Variants in PPP6R1 observed in about 807,000 individuals in gnomAD.
The protein encoded by PPP6R1 is serine/threonine-protein phosphatase 6 regulatory subunit 1.
PPP6R1 carries 39 observed loss-of-function variants against 104.6 expected under a neutral mutation model. That is an observed-to-expected ratio of 0.37 (90% CI 0.29 to 0.49). The LOEUF is 0.49. Among genes scored for constraint, PPP6R1 ranks in the 20% least tolerant of loss-of-function variants. The probability of loss-of-function intolerance (pLI) is 0.98; values close to 1 mark genes in which losing one functional copy is unlikely to be tolerated. For missense variants in PPP6R1, 1,181 were observed against 1,155.8 expected, an observed-to-expected ratio of 1.02 and a Z score of -0.32; for synonymous variants, 549 against 479.0, an observed-to-expected ratio of 1.15 and a Z score of -1.91.
At chr19:55,254,894 G>A (rs1263304159) in intron 1 of PPP6R1, among the ~76,000 whole-genome samples, 2 of 152,248 alleles carry the variant, frequency 1.3e-5, no homozygotes, top group Non-Finnish European at 2.9e-5. Context: ...TGCAGTGACA[G>A]TAATGGCAAC....
chr19:55,245,063 A>G lies in PPP6R1; in HGVS notation c.618+57T>C. The G allele has an allele frequency of 6.3e-7, 1 of 1,589,866 alleles. No homozygotes were observed. Among genetic ancestry groups the G allele is most frequent in the Non-Finnish European group, 8.6e-7 (1 of 1,166,004 alleles). On this transcript the variant is annotated intron_variant, in intron 5 of 23. Transcript: ENST00000412770. This position sits in a 1 kb window ranked among gnomAD's most constrained non-coding sequence, Gnocchi z 6.4. ...CCAATTCCTCTTTTAAAAGTGGGGA[A>G]GTGGGCATGGGGAAGGAACTCTAAG...
chr19:55,240,559 G>A (rs550339826), intron 10 of PPP6R1, among the ~76,000 whole-genome samples: 93 of 129,468 alleles, frequency 7.2e-4, no homozygotes, highest in Admixed American at 2.4e-3. Context: ...ACACACACAT[G>A]CATGCACTAA....
chr19:55,236,601 T>C (rs2122565868), intron 17 of PPP6R1, 42 bp downstream of exon 17: 1 of 1,477,428 alleles, frequency 6.8e-7, no homozygotes, highest in Non-Finnish European at 8.9e-7. Flanking sequence ...GGCCCTGCCG[T>C]GTGGTGGAAG....
intron 17 of PPP6R1, among the ~76,000 whole-genome samples, chr19:55,235,595 T>C (rs570074223): frequency 6.9e-4 from 105 of 151,582 alleles, no homozygotes; most frequent in Non-Finnish European, 8.5e-4. Flanking sequence ...CTTGGCTCAC[T>C]GCAAGCTCCG....
In PPP6R1 at chr19:55,231,882, T is replaced by C. The variant is rs748582766; in HGVS notation, c.2226A>G (p.Pro742=). Residue 742 remains proline, a synonymous_variant, in exon 19 of 24, where the codon CCA becomes CCG. Coordinates refer to ENST00000412770, the MANE Select transcript of PPP6R1 (RefSeq NM_014931.4). ...CCTGGGGCACACTGAGGGGCCCCTG[T>C]GGGGCTGGAGGCCCAGTGTGCAGCT... The part of the protein sequence containing the change: ...EEELHTGPPA[P]QGPLSVPQGL... 3.3e-6 allele frequency: 5 copies of C among 1,508,156 alleles called. No individual in the cohort carries two copies. The East Asian group carries it at 9.4e-5, about 28-fold the overall frequency. 93.4% of individuals were successfully genotyped at this position (1,508,156 alleles called of 1,614,324 possible). A position where few individuals can be genotyped will look rare whatever the true frequency, so the allele number is the denominator to read the frequency against.
chr19:55,240,841 C>A, intron 10 of PPP6R1, 104 bp downstream of exon 10: 2 of 1,460,592 alleles, frequency 1.4e-6, no homozygotes, highest in Non-Finnish European at 1.8e-6. Flanking sequence ...TAACACTACC[C>A]AACAAACACT....
intron 1 of PPP6R1, among the ~76,000 whole-genome samples, chr19:55,252,468 G>A (rs1023051703): frequency 2.7e-5 from 4 of 150,356 alleles, no homozygotes; most frequent in Non-Finnish European, 5.9e-5. Context: ...GCGCGATCTC[G>A]GCTCACTGCA....
chr19:55,231,677 C>A lies in PPP6R1; in HGVS notation c.2307-9G>T. ...GTGTGGGGTCCTGAGACCTGGTAGG[C>A]GAGAGAGGCAGCCCAAGGGGGCAGC... On this transcript the variant is annotated splice_polypyrimidine_tract_variant and intron_variant, in intron 19 of 23. Coordinates refer to ENST00000412770, the MANE Select transcript of PPP6R1 (RefSeq NM_014931.4). 1 of 1,593,272 alleles carries A rather than the reference C, an allele frequency of 6.3e-7. No homozygotes were observed. Among genetic ancestry groups the A allele is most frequent in the Non-Finnish European group, 8.6e-7 (1 of 1,169,566 alleles).
In PPP6R1 at chr19:55,245,742, C is replaced by T. The variant is rs1055258584; in HGVS notation, c.228-64G>A. ...AGGCCGGGGGCAGGGGGCGGCAAGG[C>T]TCCACCCTCTTCTCTGCACCGGGCA... On this transcript the variant is annotated intron_variant, in intron 2 of 23. Transcript: ENST00000412770. This position sits in a 1 kb window ranked among gnomAD's most constrained non-coding sequence, Gnocchi z 6.4. 6.5e-5 allele frequency: 86 copies of T among 1,329,230 alleles called. 1 individual carries two copies. In the African/African-American group the frequency reaches 1.0e-3, roughly 16 times the overall value. 82.3% of individuals were successfully genotyped at this position (1,329,230 alleles called of 1,614,324 possible).
At chr19:55,244,355 A>G (rs1212662660) in intron 5 of PPP6R1, among the ~76,000 whole-genome samples, 1 of 152,242 alleles carries the variant, frequency 6.6e-6, no homozygotes, top group Non-Finnish European at 1.5e-5. Context: ...ACAGAGATGG[A>G]GACCCAAGCT....
chr19:55,248,997 G>A (rs1401967264), intron 1 of PPP6R1, among the ~76,000 whole-genome samples: 6 of 152,280 alleles, frequency 3.9e-5, no homozygotes, highest in Admixed American at 1.3e-4. Context: ...CGTCTGCCTC[G>A]GTAACTCTAG....
At chr19:55,238,645 C>T (rs1180453401) in intron 15 of PPP6R1, 1 of 152,276 alleles carries the variant, frequency 6.6e-6, no homozygotes, top group East Asian at 1.9e-4. Context: ...CACGCACCTG[C>T]CACCACGCCT....
intron 1 of PPP6R1, among the ~76,000 whole-genome samples, chr19:55,254,158 C>T (rs1038010828): frequency 1.3e-5 from 2 of 152,210 alleles, no homozygotes; most frequent in Non-Finnish European, 2.9e-5. Flanking sequence ...TCAGACCATT[C>T]GGATACTACG....
intron 15 of PPP6R1, chr19:55,238,728 T>G (rs1463197674): frequency 6.6e-6 from 1 of 152,256 alleles, no homozygotes; most frequent in East Asian, 1.9e-4. Context: ...ACTCCTGACC[T>G]CAGGTGATCT....
chr19:55,240,083 C>A lies in PPP6R1; in HGVS notation c.1393G>T (p.Gly465Cys). The change falls in exon 12 of 24, where the codon GGT (glycine) becomes TGT (cysteine). Residue 465 changes from glycine (G) to cysteine (C), a missense_variant. Coordinates refer to ENST00000412770, the MANE Select transcript of PPP6R1 (RefSeq NM_014931.4). ...CAGGPRKGYM[G>C]HLTRVAGALV... Reference sequence around the variant, plus strand: ...GCACCGGCCACTCTTGTCAGGTGACCCATGTAGCCTTTCCGAGGGCCTCCC... The same window carrying A: ...GCACCGGCCACTCTTGTCAGGTGACACATGTAGCCTTTCCGAGGGCCTCCC... The A allele has an allele frequency of 6.3e-7, 1 of 1,598,804 alleles. No individual in the cohort carries two copies. Among genetic ancestry groups the A allele is most frequent in the Non-Finnish European group, 8.5e-7 (1 of 1,173,950 alleles).
chr19:55,237,803 G>A (rs1187653495), intron 15 of PPP6R1, among the ~76,000 whole-genome samples: 2 of 152,222 alleles, frequency 1.3e-5, no homozygotes, highest in East Asian at 1.9e-4. Context: ...CCGTGGCACT[G>A]GCAGCCTCAG....
chr19:55,235,840 C>CTTTTTT (rs1196377498), intron 17 of PPP6R1, among the ~76,000 whole-genome samples: 3 of 113,066 alleles, frequency 2.7e-5, no homozygotes, highest in East Asian at 2.6e-4. Flanking sequence ...TTTGTTGATT[C>CTTTTTT]TTTTTTTTTT....
At position 55,247,207 on chromosome 19, in the gene PPP6R1, C is replaced by T. The variant is rs527549132; in HGVS notation, c.-6-98G>A. On this transcript the variant is annotated intron_variant, in intron 1 of 23. Transcript: ENST00000412770. ...AGGGGCTGAGTGCCCACCTTGGGCA[C>T]AGCCTCTCCCCAAGTCCCAGCCCTC... is the stretch of plus-strand genomic sequence containing the variant. 1.0e-5 allele frequency: 13 copies of T among 1,263,182 alleles called. No homozygotes were observed. The South Asian group carries it at 1.4e-4, about 13-fold the overall frequency. The allele number at this position is 1,263,182 out of a possible 1,614,324, so 78.2% of individuals were successfully genotyped here.
At chr19:55,251,171 C>T (rs762002306) in intron 1 of PPP6R1, among the ~76,000 whole-genome samples, 4 of 152,194 alleles carry the variant, frequency 2.6e-5, no homozygotes, top group Admixed American at 6.5e-5. Flanking sequence ...CTGAGCTGTG[C>T]GTTCTGACCT....
Sources: gnomAD v4.1 joint callset for allele counts (sites outside exome capture counted in the v4.1 genomes callset) on GRCh38, gnomAD v4.1.1 for gene constraint, Gnocchi (gnomAD v3.1) non-coding constraint, MANE v1.5 for transcripts, NCBI Gene and HGNC (gene_info 2026-07-23, HGNC 2026-07-21) for gene names.